The following CACNA1D variants were observed in gnomAD, a reference collection of about 807,000 sequenced individuals.
CACNA1D encodes voltage-dependent L-type calcium channel subunit alpha-1D.
Under a neutral mutation model 257.1 loss-of-function variants are expected in CACNA1D, and 55 were observed. That is an observed-to-expected ratio of 0.21 (90% CI 0.17 to 0.27). CACNA1D has a LOEUF of 0.27. Ranked by LOEUF, CACNA1D falls within the 10% of genes least tolerant of loss-of-function variation. CACNA1D has a pLI of 1.00. For synonymous variants in CACNA1D, 980 were observed against 1,014.9 expected, an observed-to-expected ratio of 0.97 and a Z score of 0.65; for missense variants, 1,876 against 2,784.0, an observed-to-expected ratio of 0.67 and a Z score of 7.34.
intron 8 of CACNA1D, among the ~76,000 whole-genome samples, chr3:53,691,906 T>TTACA (rs1362423138): frequency 7.6e-5 from 4 of 52,388 alleles, no homozygotes; most frequent in South Asian, 8.8e-4. Flanking sequence ...ATTACATATA[T>TTACA]TATATATAAT....
At chr3:53,795,171 G>C (rs2095502128) in intron 40 of CACNA1D, among the ~76,000 whole-genome samples, 1 of 152,212 alleles carries the variant, frequency 6.6e-6, no homozygotes, top group Non-Finnish European at 1.5e-5. Context: ...TTAAAAATCA[G>C]CTCCCCTAAG....
At chr3:53,602,253 C>G (rs2093453075) in intron 3 of CACNA1D, among the ~76,000 whole-genome samples, 1 of 152,146 alleles carries the variant, frequency 6.6e-6, no homozygotes, top group Non-Finnish European at 1.5e-5. Context: ...CATAATGACC[C>G]TGGTTCCATC....
At chr3:53,642,808 G>A (rs75690591) in intron 3 of CACNA1D, among the ~76,000 whole-genome samples, 109 of 152,362 alleles carry the variant, frequency 7.2e-4, no homozygotes, top group African/African-American at 2.4e-3. Flanking sequence ...CTGAACTGTC[G>A]TGGGATCTCA....
At chr3:53,679,202 G>A (rs996433826) in intron 8 of CACNA1D, 2 of 137,856 alleles carry the variant, frequency 1.5e-5, no homozygotes, top group Non-Finnish European at 3.1e-5. Flanking sequence ...CCAGGGAGGT[G>A]GAGATTGCAG....
intron 8 of CACNA1D, among the ~76,000 whole-genome samples, chr3:53,694,699 A>G (rs2094558121): frequency 6.6e-6 from 1 of 152,168 alleles, no homozygotes; most frequent in Admixed American, 6.5e-5. Context: ...ATCTAAATAA[A>G]TGAGGGGCTT....
chr3:53,791,529 G>A lies in CACNA1D; in HGVS notation c.4923+4577G>A, dbSNP rs79972194. On this transcript the variant is annotated intron_variant, in intron 40 of 47. Transcript: ENST00000350061. The stretch of plus-strand genomic sequence containing the variant: ...CCCAAAGACTGACAGGCCCCTCGGC[G>A]CTGAGCTGACAGAGTTCCTTTTGTA... 103 of 155,232 alleles carry A rather than the reference G, an allele frequency of 6.6e-4. 1 individual carries two copies. In the East Asian group the frequency reaches 0.014, roughly 21 times the overall value. The allele number at this position is 155,232 out of a possible 1,614,324, so 9.6% of individuals were successfully genotyped here.
chr3:53,727,354 A>G (rs1040752913), intron 15 of CACNA1D, among the ~76,000 whole-genome samples: 1 of 152,128 alleles, frequency 6.6e-6, no homozygotes, highest in African/African-American at 2.4e-5. Context: ...TTATGTTATC[A>G]TTATTGGGAG....
chr3:53,740,597 A>T, intron 21 of CACNA1D: 1 of 426,138 alleles, frequency 2.3e-6, no homozygotes, highest in Non-Finnish European at 4.2e-6. Flanking sequence ...GGTTGAGCTA[A>T]GTTTTTTTTT....
At chr3:53,544,760 G>A (rs1023529052) in intron 3 of CACNA1D, among the ~76,000 whole-genome samples, 2 of 152,238 alleles carry the variant, frequency 1.3e-5, no homozygotes, top group Non-Finnish European at 2.9e-5. Context: ...TTTGAGGGTA[G>A]TGGGGCATCT....
chr3:53,724,021 C>G (rs372893036), intron 14 of CACNA1D, 22 bp downstream of exon 14: 15 of 1,592,314 alleles, frequency 9.4e-6, no homozygotes, highest in Non-Finnish European at 1.2e-5. Context: ...CTCCATTCCC[C>G]GAAAAGCACT....
chr3:53,732,977 T>A lies in CACNA1D; in HGVS notation c.2621+15T>A. On this transcript the variant is annotated intron_variant, in intron 19 of 47. Transcript: ENST00000350061. ...AAGACCAACCCGTAAATACTCCCCT[T>A]CTAGTCTCTCACGGCTGCCTCTTGC... 6.2e-7 allele frequency: 1 copy of A among 1,613,686 alleles called. No homozygotes were observed. Among genetic ancestry groups the A allele is most frequent in the South Asian group, 1.1e-5 (1 of 91,054 alleles).
In CACNA1D at chr3:53,793,464, C is replaced by T. The variant is rs960216196; in HGVS notation, c.4923+6512C>T. Among the ~76,000 whole-genome samples the T allele has an allele frequency of 5.3e-5, 8 of 152,170 alleles. No homozygotes were observed. Among genetic ancestry groups the T allele is most frequent in the African/African-American group, 1.7e-4 (7 of 41,436 alleles). On this transcript the variant is annotated intron_variant, in intron 40 of 47. Transcript: ENST00000350061. The surrounding 1 kb of genome is among the most constrained non-coding windows in gnomAD (Gnocchi z 4.1). Reference sequence around the variant, plus strand: ...CTCTGTCTCAGAGGGCCGGTGTGACCGACCTTCTAGATCCAAGATTCCATA... The same window carrying T: ...CTCTGTCTCAGAGGGCCGGTGTGACTGACCTTCTAGATCCAAGATTCCATA...
chr3:53,499,294 G>C (rs545164069), intron 2 of CACNA1D, among the ~76,000 whole-genome samples: 1 of 152,224 alleles, frequency 6.6e-6, no homozygotes, highest in East Asian at 1.9e-4. Flanking sequence ...AAAATAGATA[G>C]ACCCTTAAGC....
In CACNA1D at chr3:53,812,429, T is replaced by G. The variant is rs942830060; in HGVS notation, c.*1023T>G. On this transcript the variant is annotated 3_prime_UTR_variant, in exon 48 of 48. Coordinates refer to ENST00000350061, the MANE Select transcript of CACNA1D (RefSeq NM_001128840.3). ...ACTACAGAAATTTTTCTAAAATATT[T>G]TGAGTCACTATAAACCTATCATCTT... 1 of 152,244 alleles carries G rather than the reference T, an allele frequency of 6.6e-6. No homozygotes were observed. The highest frequency in any genetic ancestry group is 2.4e-5 in the African/African-American group (1 of 41,462). 9.4% of individuals were successfully genotyped at this position (152,244 alleles called of 1,614,324 possible). A position where few individuals can be genotyped will look rare whatever the true frequency, so the allele number is the denominator to read the frequency against.
chr3:53,810,424 C>T (rs2095591130), intron 47 of CACNA1D, 126 bp downstream of exon 47: 3 of 887,910 alleles, frequency 3.4e-6, no homozygotes, highest in Non-Finnish European at 5.6e-6. Flanking sequence ...CAATCAGACA[C>T]TTCTGAGCAG....
At chr3:53,734,414 ATG>A (rs2095036858) in intron 19 of CACNA1D, among the ~76,000 whole-genome samples, 1 of 152,042 alleles carries the variant, frequency 6.6e-6, no homozygotes, top group South Asian at 2.1e-4. Context: ...ATTTAAATAT[ATG>A]TGTATACATA....
chr3:53,563,889 T>C (rs559378127), intron 3 of CACNA1D, among the ~76,000 whole-genome samples: 8 of 152,212 alleles, frequency 5.3e-5, no homozygotes, highest in Non-Finnish European at 1.2e-4. Flanking sequence ...CTAAGGATTA[T>C]GTAGGCATGA....
At chr3:53,744,964 C>T in intron 23 of CACNA1D, 137 bp downstream of exon 23, 1 of 643,958 alleles carries the variant, frequency 1.6e-6, no homozygotes, top group Non-Finnish European at 2.9e-6. Flanking sequence ...CCAATTCAGC[C>T]ACCTGTGCCA....
chr3:53,566,216 A>G (rs538609390), intron 3 of CACNA1D, among the ~76,000 whole-genome samples: 165 of 152,258 alleles, frequency 1.1e-3, no homozygotes, highest in African/African-American at 3.7e-3. Context: ...CATAGCCTGG[A>G]GAATATGTGA....
Sources: gnomAD v4.1 joint callset for allele counts (sites outside exome capture counted in the v4.1 genomes callset) on GRCh38, gnomAD v4.1.1 for gene constraint, Gnocchi (gnomAD v3.1) non-coding constraint, MANE v1.5 for transcripts, NCBI Gene and HGNC (gene_info 2026-07-23, HGNC 2026-07-21) for gene names.